VPS35L: variants seen among roughly 807,000 people sequenced by gnomAD.
VPS35L encodes VPS35 endosomal protein-sorting factor-like.
Under a neutral mutation model 133.0 loss-of-function variants are expected in VPS35L, and 83 were observed. The observed-to-expected ratio is 0.62, with a 90% CI of 0.52 to 0.75. VPS35L has a LOEUF of 0.75. VPS35L is among the 30% of genes least tolerant of loss of function. The pLI, the probability that VPS35L is intolerant of heterozygous loss-of-function variation, is 0.00. For synonymous variants in VPS35L, 423 were observed against 449.9 expected (o/e 0.94, Z 0.76); for missense variants, 1,083 against 1,206.8 (o/e 0.90, Z 1.52).
chr16:19,580,939 C>T (rs1971688956), intron 6 of VPS35L, among the ~76,000 whole-genome samples: 1 of 152,060 alleles, frequency 6.6e-6, no homozygotes, highest in African/African-American at 2.4e-5. Context: ...CCTTAGTAGC[C>T]CGTGAAACAG....
chr16:19,675,343 C>T (rs1156578694), intron 27 of VPS35L, among the ~76,000 whole-genome samples: 2 of 151,012 alleles, frequency 1.3e-5, no homozygotes, highest in Non-Finnish European at 2.9e-5. Flanking sequence ...CTGCACCCAG[C>T]TACCTCATTT....
chr16:19,569,716 T>A, intron 3 of VPS35L, 125 bp downstream of exon 3: 3 of 1,029,134 alleles, frequency 2.9e-6, no homozygotes, highest in Non-Finnish European at 4.0e-6. Context: ...TCACCCAGGC[T>A]GGAGTGCAGT....
At chr16:19,696,036 G>T (rs536977055) in intron 29 of VPS35L, among the ~76,000 whole-genome samples, 1 of 152,018 alleles carries the variant, frequency 6.6e-6, no homozygotes, top group Admixed American at 6.6e-5. Flanking sequence ...ACAGGCGCGT[G>T]CCACCACACC....
chr16:19,674,191 T>C (rs1433401164), intron 27 of VPS35L, among the ~76,000 whole-genome samples: 15 of 132,240 alleles, frequency 1.1e-4, no homozygotes, highest in African/African-American at 4.2e-4. Flanking sequence ...TTTCTTTTTT[T>C]TTTTTTTTTT....
chr16:19,688,463 G>A (rs1412787672), intron 28 of VPS35L, among the ~76,000 whole-genome samples: 1 of 152,206 alleles, frequency 6.6e-6, no homozygotes, highest in Non-Finnish European at 1.5e-5. Flanking sequence ...GATTAGCCGT[G>A]TGCACTTGTG....
intron 28 of VPS35L, among the ~76,000 whole-genome samples, chr16:19,690,535 A>AGGGT (rs891584656): frequency 6.6e-6 from 1 of 152,214 alleles, no homozygotes; most frequent in African/African-American, 2.4e-5. Flanking sequence ...GTTTGAGGAG[A>AGGGT]GGGTGACAGG....
At position 19,610,303 on chromosome 16, in the gene VPS35L, C is replaced by G. The variant is rs778523092; in HGVS notation, c.930-19C>G. 6.1e-5 allele frequency: 98 copies of G among 1,605,702 alleles called. 2 individuals carry two copies. The South Asian group carries it at 1.1e-3, about 17-fold the overall frequency. On this transcript the variant is annotated intron_variant, in intron 11 of 30. Transcript: ENST00000417362. ...TTCTCACGTCGAATATAATGCTGGC[C>G]TGTTTTTGTCTCTTGCAGGGGAATT...
intron 18 of VPS35L, 101 bp downstream of exon 18, chr16:19,629,921 C>T (rs1014003347): frequency 8.5e-6 from 9 of 1,060,360 alleles, no homozygotes; most frequent in Middle Eastern, 2.6e-4. Flanking sequence ...GACAACGGTA[C>T]TTGCTCTTGT....
intron 23 of VPS35L, among the ~76,000 whole-genome samples, chr16:19,646,156 G>A (rs527939585): frequency 2.9e-4 from 44 of 152,226 alleles, no homozygotes; most frequent in Admixed American, 7.2e-4. Flanking sequence ...GTGTGGCACT[G>A]GCGTGGCACG....
At position 19,668,701 on chromosome 16, in the gene VPS35L, G is replaced by A. The variant is rs181235767; in HGVS notation, c.2222-459G>A. Among the ~76,000 whole-genome samples, 4 of 152,078 alleles carry A rather than the reference G, an allele frequency of 2.6e-5. No homozygotes were observed. The East Asian group carries it at 7.7e-4, about 29-fold the overall frequency. ...TAGATTCAAACTGACCTGGGTTTGA[G>A]CTGCAGCTCTACTACCAACACTGGA... On this transcript the variant is annotated intron_variant, in intron 26 of 30. Transcript: ENST00000417362.
chr16:19,678,370 C>A (rs1313788036), intron 27 of VPS35L, among the ~76,000 whole-genome samples: 20 of 151,952 alleles, frequency 1.3e-4, no homozygotes, highest in Non-Finnish European at 1.5e-5. Flanking sequence ...CCTGGGGACA[C>A]CTTTTCCCAC....
rs2151544956 is a variant in VPS35L at position 19,608,291 on chromosome 16, T to C, written c.881+17T>C. On this transcript the variant is annotated intron_variant, in intron 10 of 30. Coordinates refer to ENST00000417362, the MANE Select transcript of VPS35L (RefSeq NM_020314.7). Reference sequence around the variant, plus strand: ...TCCAAGATTGTATCCTTTTTTTTTTTTTTGGTCTGATGATTTTAAAGATAG... The same window carrying C: ...TCCAAGATTGTATCCTTTTTTTTTTCTTTGGTCTGATGATTTTAAAGATAG... 6.5e-7 allele frequency: 1 copy of C among 1,535,676 alleles called. No individual in the cohort carries two copies. The highest frequency in any genetic ancestry group is 2.2e-5 in the East Asian group (1 of 44,512).
At chr16:19,579,276 AG>A (rs1294127192) in intron 6 of VPS35L, 148 bp downstream of exon 6, 5 of 705,074 alleles carry the variant, frequency 7.1e-6, no homozygotes, top group Admixed American at 2.8e-5. Flanking sequence ...CATCCAGGGA[AG>A]GGTGCCAGTG....
In VPS35L at chr16:19,640,029, G is replaced by A. The variant is rs146681274; in HGVS notation, c.1713G>A (p.Pro571=). The change falls in exon 21 of 31, where the codon CCG becomes CCA. Residue 571 remains proline (P), a synonymous_variant. Coordinates refer to ENST00000417362, the MANE Select transcript of VPS35L (RefSeq NM_020314.7). ...SVLFSVEKFL[P]FLDMFQKESV... ...TTTATTTATAGGAAAAATTTCTGCC[G>A]TTTCTGGACATGTTCCAAAAAGAGA... 32 of 1,614,096 alleles carry A rather than the reference G, an allele frequency of 2.0e-5. No individual in the cohort carries two copies. Among genetic ancestry groups the A allele is most frequent in the South Asian group, 2.2e-5 (2 of 91,070 alleles).
Position 19,637,581 on chromosome 16 carries a change from G to A in VPS35L, c.1636-13G>A. 2.0e-6 allele frequency: 3 copies of A among 1,506,352 alleles called. No individual in the cohort carries two copies. The highest frequency in any genetic ancestry group is 2.7e-6 in the Non-Finnish European group (3 of 1,113,170). The allele number at this position is 1,506,352 out of a possible 1,614,324, so 93.3% of individuals were successfully genotyped here. On this transcript the variant is annotated splice_polypyrimidine_tract_variant and intron_variant, in intron 19 of 30. Coordinates refer to ENST00000417362, the MANE Select transcript of VPS35L (RefSeq NM_020314.7). ...GTTTTTAAAAATAATATTTTTGTTTGTTTGTTTTACAGCTTCAGTTAATAA... is the reference window on the plus strand; with the variant it reads ...GTTTTTAAAAATAATATTTTTGTTTATTTGTTTTACAGCTTCAGTTAATAA...
chr16:19,608,263 C>G lies in VPS35L; in HGVS notation c.870C>G (p.Leu290=), dbSNP rs747832581. Residue 290 remains leucine (L), a synonymous_variant, in exon 10 of 31, where the codon CTC becomes CTG. Coordinates refer to ENST00000417362, the MANE Select transcript of VPS35L (RefSeq NM_020314.7). ...TCAAGATTGCCTCCATCAGGGAACT[C>G]ATTCCAAGATTGTATCCTTTTTTTT... The part of the protein sequence containing the change: ...WFFKIASIRE[L]IPRFYVEASI... The G allele has an allele frequency of 1.3e-6, 2 of 1,566,604 alleles. No homozygotes were observed. Among genetic ancestry groups the G allele is most frequent in the Admixed American group, 3.4e-5 (2 of 59,362 alleles).
At chr16:19,610,082 C>T (rs1972662116) in intron 11 of VPS35L, among the ~76,000 whole-genome samples, 1 of 152,068 alleles carries the variant, frequency 6.6e-6, no homozygotes, top group Non-Finnish European at 1.5e-5. Flanking sequence ...TGTGGTTAGC[C>T]TCCACCACTG....
intron 5 of VPS35L, among the ~76,000 whole-genome samples, chr16:19,578,058 T>A (rs891153255): frequency 9.2e-5 from 14 of 152,230 alleles, no homozygotes; most frequent in Admixed American, 7.9e-4. Flanking sequence ...GTTGGTAAAC[T>A]GCATGCTGCA....
chr16:19,697,795 A>G (rs567045046), intron 29 of VPS35L, among the ~76,000 whole-genome samples: 1 of 152,304 alleles, frequency 6.6e-6, no homozygotes, highest in East Asian at 1.9e-4. Context: ...GCGATTCCTG[A>G]TAAGATGCGA....
Sources: gnomAD v4.1 joint callset for allele counts (sites outside exome capture counted in the v4.1 genomes callset) on GRCh38, gnomAD v4.1.1 for gene constraint, MANE v1.5 for transcripts, NCBI Gene and HGNC (gene_info 2026-07-23, HGNC 2026-07-21) for gene names.